Variants in AVEN observed in about 807,000 individuals in gnomAD.
AVEN encodes the protein apoptosis and caspase activation inhibitor.
A neutral mutation model predicts 38.1 loss-of-function variants in AVEN; 41 were observed. The ratio of observed to expected loss-of-function variants is 1.08; its 90% CI spans 0.84 to 1.40. The LOEUF is 1.40. AVEN is among the 40% of genes most tolerant of loss of function. The probability of loss-of-function intolerance (pLI) is 0.00; values close to 1 mark genes in which losing one functional copy is unlikely to be tolerated. For missense variants in AVEN, 605 were observed against 438.8 expected (o/e 1.38, Z -3.38); for synonymous variants, 206 against 171.8 (o/e 1.20, Z -1.56).
At chr15:33,906,648 A>G (rs540760704) in intron 2 of AVEN, among the ~76,000 whole-genome samples, 7 of 152,268 alleles carry the variant, frequency 4.6e-5, no homozygotes, top group Admixed American at 6.5e-5. Flanking sequence ...CAAATGCTAT[A>G]TGATTCTGCT....
At chr15:33,964,778 A>T (rs1895324584) in intron 2 of AVEN, among the ~76,000 whole-genome samples, 1 of 152,204 alleles carries the variant, frequency 6.6e-6, no homozygotes, top group Non-Finnish European at 1.5e-5. Context: ...CACATTCCCT[A>T]TATATTAAAG....
intron 4 of AVEN, chr15:34,064,787 G>A (rs643827): frequency 0.99 from 183,195 of 184,806 alleles, 90,821 homozygotes; most frequent in Middle Eastern, 1. Context: ...ACTTGTTAAC[G>A]AGACTGATAT....
rs1348141577 is a variant in AVEN, at chr15:34,063,040, CA to C, written n.1518del. ...AGTCTGGCTTGTGACCTTTGGCTTG[CA>C]CTGGACTACGTGGCCAGCAACGCTT... On this transcript the variant is annotated non_coding_transcript_exon_variant, in exon 5 of 12. Coordinates refer to the AVEN transcript ENST00000675287. The surrounding 1 kb of genome is among the most constrained non-coding windows in gnomAD (Gnocchi z 4.1). 6.2e-7 allele frequency: 1 copy of C among 1,614,248 alleles called. No individual in the cohort carries two copies.
At chr15:33,973,307 G>A (rs1895719156) in intron 2 of AVEN, among the ~76,000 whole-genome samples, 1 of 152,170 alleles carries the variant, frequency 6.6e-6, no homozygotes, top group South Asian at 2.1e-4. Context: ...GCTATTTATA[G>A]AATTTTTTGG....
intron 2 of AVEN, among the ~76,000 whole-genome samples, chr15:33,924,052 T>C (rs1597236210): frequency 6.6e-6 from 1 of 151,942 alleles, no homozygotes; most frequent in Non-Finnish European, 1.5e-5. Context: ...TGTAATGAGC[T>C]TGAATCATCC....
Position 34,063,893 on chromosome 15 carries a change from G to C in AVEN, n.1127-461C>G. The C allele has an allele frequency of 1.9e-6, 3 of 1,614,184 alleles. No homozygotes were observed. The highest frequency in any genetic ancestry group is 1.6e-4 in the Middle Eastern group (1 of 6,062). The stretch of plus-strand genomic sequence containing the variant: ...TGGTAAAAGCTGACGGGAACCAGGA[G>C]ACCAACAATGGCTGTCACAAGGTGA... On this transcript the variant is annotated intron_variant and non_coding_transcript_variant, in intron 4 of 11. Coordinates refer to the AVEN transcript ENST00000675287. This position sits in a 1 kb window ranked among gnomAD's most constrained non-coding sequence, Gnocchi z 4.1.
chr15:33,879,909 A>G (rs965358816), intron 2 of AVEN, among the ~76,000 whole-genome samples: 5 of 152,214 alleles, frequency 3.3e-5, no homozygotes, highest in African/African-American at 4.8e-5. Context: ...AGAAAAATTA[A>G]TAAGAATACA....
chr15:33,858,056 A>G (rs2079889422), downstream of AVEN: 2 of 1,098,112 alleles, frequency 1.8e-6, no homozygotes, highest in Admixed American at 2.7e-5. Flanking sequence ...TTAAAGTAGA[A>G]GACAGATGTC....
chr15:34,068,293 C>T (rs186577724), intron 2 of AVEN, among the ~76,000 whole-genome samples: 2,672 of 150,752 alleles, frequency 0.018, 44 homozygotes, highest in South Asian at 0.071. Flanking sequence ...GTGGCAGCTT[C>T]GACCTCCCAG....
exon 1 of AVEN, among the ~76,000 whole-genome samples, chr15:34,075,054 G>T (rs1900701877): frequency 6.6e-6 from 1 of 152,020 alleles, no homozygotes; most frequent in Non-Finnish European, 1.5e-5. Context: ...GCACACGCCT[G>T]TAGTCCCAGT....
intron 2 of AVEN, among the ~76,000 whole-genome samples, chr15:33,892,273 T>C (rs1202790933): frequency 6.6e-6 from 1 of 152,256 alleles, no homozygotes; most frequent in African/African-American, 2.4e-5. Flanking sequence ...GCCATTGCTT[T>C]TGGCATTTTA....
rs1269771089 is a variant in AVEN at position 34,038,893 on chromosome 15, C to G, written c.154G>C (p.Gly52Arg). The G allele has an allele frequency of 5.3e-6, 6 of 1,134,550 alleles. No individual in the cohort carries two copies. Among genetic ancestry groups the G allele is most frequent in the South Asian group, 4.1e-5 (1 of 24,142 alleles). The allele number at this position is 1,134,550 out of a possible 1,614,324, so 70.3% of individuals were successfully genotyped here. ...GGGGDGGGRR[G>R]RGRGRGFRGA... ...CGGAAGCCCCGGCCACGGCCACGGCCCCGGCGTCCGCCTCCGTCCCCGCCG... is the reference window on the plus strand; with the variant it reads ...CGGAAGCCCCGGCCACGGCCACGGCGCCGGCGTCCGCCTCCGTCCCCGCCG... Residue 52 changes from glycine to arginine, a missense_variant, in exon 1 of 6, where the codon GGC becomes CGC. Coordinates refer to ENST00000306730, the MANE Select transcript of AVEN (RefSeq NM_020371.3).
At chr15:33,922,442 T>TAC (rs1555507363) in intron 2 of AVEN, among the ~76,000 whole-genome samples, 1 of 13,180 alleles carries the variant, frequency 7.6e-5, no homozygotes, top group Non-Finnish European at 2.3e-4. Flanking sequence ...CACTTTTTTT[T>TAC]CTCTTATTTT....
At chr15:34,018,487 G>A (rs1261242559) in intron 1 of AVEN, 2 of 152,246 alleles carry the variant, frequency 1.3e-5, no homozygotes, top group African/African-American at 2.4e-5. Flanking sequence ...AGTTTTTAAA[G>A]GTAGTGCGTC....
At chr15:33,951,960 C>A (rs1193204029) in intron 2 of AVEN, among the ~76,000 whole-genome samples, 4 of 152,150 alleles carry the variant, frequency 2.6e-5, no homozygotes, top group African/African-American at 9.7e-5. Context: ...ACATTAATTT[C>A]CTAAATACTT....
At chr15:33,975,438 C>A (rs897356630) in intron 2 of AVEN, among the ~76,000 whole-genome samples, 2 of 152,054 alleles carry the variant, frequency 1.3e-5, no homozygotes, top group African/African-American at 4.8e-5. Flanking sequence ...GCAACTAAGA[C>A]CTAGGATTCA....
chr15:33,961,088 C>T (rs1014694832), intron 2 of AVEN, among the ~76,000 whole-genome samples: 9 of 152,134 alleles, frequency 5.9e-5, no homozygotes, highest in Non-Finnish European at 1.3e-4. Flanking sequence ...GAAGCCTCGA[C>T]CTCCTGGGTT....
At chr15:33,931,432 A>G (rs889509860) in intron 2 of AVEN, among the ~76,000 whole-genome samples, 3 of 126,648 alleles carry the variant, frequency 2.4e-5, no homozygotes, top group African/African-American at 3.1e-5. Flanking sequence ...GTGCAGTGGC[A>G]CAATCTCGGC....
At chr15:34,013,389 AAC>A (rs759565235) in intron 1 of AVEN, among the ~76,000 whole-genome samples, 28 of 152,106 alleles carry the variant, frequency 1.8e-4, no homozygotes, top group Non-Finnish European at 3.8e-4. Context: ...TGAAAATAAA[AAC>A]AGTCACCTTG....
Sources: allele counts gnomAD v4.1 joint callset (sites outside exome capture counted in the v4.1 genomes callset), GRCh38; gene constraint gnomAD v4.1.1; non-coding constraint Gnocchi (gnomAD v3.1); transcripts MANE v1.5; gene names NCBI Gene and HGNC (gene_info 2026-07-23, HGNC 2026-07-21).